TMPRSS15: variants seen among roughly 807,000 people sequenced by gnomAD.
The protein encoded by TMPRSS15 is transmembrane serine protease 15.
In TMPRSS15, 128 loss-of-function variants were observed where a neutral mutation model predicts 125.3. The observed-to-expected ratio is 1.02, with a 90% confidence interval of 0.89 to 1.18. TMPRSS15 has a LOEUF of 1.18. TMPRSS15 is among the 50% of genes most tolerant of loss of function. TMPRSS15 has a pLI of 0.00. For missense variants in TMPRSS15, 1,283 were observed against 1,212.7 expected (o/e 1.06, Z -0.86); for synonymous variants, 446 against 423.2 (o/e 1.05, Z -0.66).
chr21:18,269,678 G>A lies in TMPRSS15; in HGVS notation c.*291C>T. On this transcript the variant is annotated 3_prime_UTR_variant, in exon 25 of 25. Coordinates refer to ENST00000284885, the MANE Select transcript of TMPRSS15 (RefSeq NM_002772.3). Reference sequence around the variant, plus strand: ...ATAACATCCCTTTAAACAACAGTAAGTAATAAAAATAATCATTAAGAATTT... The same window carrying A: ...ATAACATCCCTTTAAACAACAGTAAATAATAAAAATAATCATTAAGAATTT... 2 of 334,408 alleles carry A rather than the reference G, an allele frequency of 6.0e-6. No individual in the cohort carries two copies. The highest frequency in any genetic ancestry group is 1.1e-5 in the Non-Finnish European group (2 of 177,608). The allele number at this position is 334,408 out of a possible 1,614,324, so 20.7% of individuals were successfully genotyped here.
At chr21:18,382,933 T>C (rs887628866) in intron 4 of TMPRSS15, among the ~76,000 whole-genome samples, 8 of 152,118 alleles carry the variant, frequency 5.3e-5, no homozygotes, top group Admixed American at 2.0e-4. Flanking sequence ...TCTTTTTTGG[T>C]TTATTCTTAT....
chr21:18,370,660 G>A (rs2075783510), intron 6 of TMPRSS15, among the ~76,000 whole-genome samples: 1 of 152,100 alleles, frequency 6.6e-6, no homozygotes, highest in Non-Finnish European at 1.5e-5. Context: ...TATGTTCTGA[G>A]TGTACTTCAA....
chr21:18,327,907 G>T (rs1381865907), intron 15 of TMPRSS15, among the ~76,000 whole-genome samples: 1 of 151,982 alleles, frequency 6.6e-6, no homozygotes, highest in South Asian at 2.1e-4. Flanking sequence ...CAAAAAATTA[G>T]CCGGGCGAGG....
intron 3 of TMPRSS15, among the ~76,000 whole-genome samples, chr21:18,390,047 C>A (rs2075977942): frequency 1.3e-5 from 2 of 152,138 alleles, no homozygotes. Context: ...TCAATGCCAG[C>A]TCTATTATAT....
intron 1 of TMPRSS15, among the ~76,000 whole-genome samples, chr21:18,452,171 G>A (rs1601467640): frequency 6.6e-6 from 1 of 152,132 alleles, no homozygotes; most frequent in African/African-American, 2.4e-5. Context: ...CGAGTACATA[G>A]AGGTTGGATA....
chr21:18,324,615 T>A (rs909506542), intron 16 of TMPRSS15, among the ~76,000 whole-genome samples: 6 of 152,312 alleles, frequency 3.9e-5, no homozygotes, highest in African/African-American at 1.4e-4. Flanking sequence ...TATAATAATT[T>A]AAAAAATTAG....
intron 1 of TMPRSS15, among the ~76,000 whole-genome samples, chr21:18,447,930 C>A (rs558255284): frequency 1.2e-4 from 18 of 152,104 alleles, no homozygotes; most frequent in South Asian, 1.0e-3. Flanking sequence ...TCACTTCACC[C>A]CTGTTAGAAT....
intron 7 of TMPRSS15, among the ~76,000 whole-genome samples, chr21:18,362,348 T>C (rs1569033298): frequency 1.3e-5 from 2 of 152,038 alleles, no homozygotes. Flanking sequence ...AAGAATATGG[T>C]GAGTGTTTTT....
At chr21:18,443,608 C>T (rs2076247945) in intron 1 of TMPRSS15, among the ~76,000 whole-genome samples, 1 of 152,212 alleles carries the variant, frequency 6.6e-6, no homozygotes, top group African/African-American at 2.4e-5. Context: ...AGCACTGGTG[C>T]CATAGCCCCA....
At chr21:18,293,930 C>T (rs775332574) in intron 21 of TMPRSS15, among the ~76,000 whole-genome samples, 54 of 152,134 alleles carry the variant, frequency 3.5e-4, no homozygotes, top group Admixed American at 3.0e-3. Context: ...GTAACCAGTA[C>T]AATTTATACA....
chr21:18,378,374 G>T (rs2075863227), intron 5 of TMPRSS15, among the ~76,000 whole-genome samples: 1 of 152,058 alleles, frequency 6.6e-6, no homozygotes, highest in Non-Finnish European at 1.5e-5. Flanking sequence ...AAATACAACT[G>T]CAGAAAGGCT....
At chr21:18,312,803 A>T in intron 18 of TMPRSS15, 142 bp downstream of exon 18, 1 of 1,110,230 alleles carries the variant, frequency 9.0e-7, no homozygotes, top group Non-Finnish European at 1.3e-6. Context: ...GGGTTAATCA[A>T]GATTTTTATT....
chr21:18,302,221 C>T (rs1411078034), intron 18 of TMPRSS15, among the ~76,000 whole-genome samples: 1 of 152,108 alleles, frequency 6.6e-6, no homozygotes, highest in South Asian at 2.1e-4. Flanking sequence ...ATGAATAGAG[C>T]CAGGTGGGAT....
At chr21:18,294,078 A>G (rs1267950364) in intron 21 of TMPRSS15, among the ~76,000 whole-genome samples, 192 bp downstream of exon 21, 1 of 152,258 alleles carries the variant, frequency 6.6e-6, no homozygotes, top group Non-Finnish European at 1.5e-5. Context: ...TATCTAATGC[A>G]GGATAATTTT....
At chr21:18,329,577 A>G (rs2075325049) in intron 14 of TMPRSS15, among the ~76,000 whole-genome samples, 1 of 151,478 alleles carries the variant, frequency 6.6e-6, no homozygotes, top group African/African-American at 2.4e-5. Context: ...AAGTTTACAA[A>G]TATTATTTTA....
At chr21:18,421,037 C>A (rs1213968012) in intron 1 of TMPRSS15, among the ~76,000 whole-genome samples, 3 of 148,974 alleles carry the variant, frequency 2.0e-5, no homozygotes, top group African/African-American at 7.8e-5. Context: ...AAAGGGAGAG[C>A]TTGGAGAAAC....
intron 18 of TMPRSS15, 29 bp downstream of exon 18, chr21:18,312,916 T>G: frequency 1.2e-6 from 2 of 1,612,344 alleles, no homozygotes; most frequent in Non-Finnish European, 1.7e-6. Flanking sequence ...TGCAAATCTC[T>G]TAAAAAGGAA....
chr21:18,277,106 T>C (rs1376060368), intron 23 of TMPRSS15, among the ~76,000 whole-genome samples: 1 of 152,068 alleles, frequency 6.6e-6, no homozygotes, highest in East Asian at 1.9e-4. Flanking sequence ...ATGGAAGTCA[T>C]AAAGCAAAGT....
chr21:18,402,453 C>G (rs1358424856), intron 1 of TMPRSS15, among the ~76,000 whole-genome samples: 1 of 145,338 alleles, frequency 6.9e-6, no homozygotes, highest in Non-Finnish European at 1.5e-5. Flanking sequence ...CACTTGAACC[C>G]AGGAGGTGGA....
Sources: gnomAD v4.1 joint callset for allele counts (sites outside exome capture counted in the v4.1 genomes callset) on GRCh38, gnomAD v4.1.1 for gene constraint, MANE v1.5 for transcripts, NCBI Gene and HGNC (gene_info 2026-07-23, HGNC 2026-07-21) for gene names.